The following CDH13 variants were observed in gnomAD, a reference collection of about 807,000 sequenced individuals.
The protein encoded by CDH13 is cadherin-13.
Under a neutral mutation model 63.8 loss-of-function variants are expected in CDH13, and 24 were observed. The observed-to-expected ratio is 0.38, with a 90% CI of 0.27 to 0.53. CDH13 has a LOEUF of 0.53. Among genes scored for constraint, CDH13 ranks in the 20% least tolerant of loss-of-function variants. CDH13 has a pLI of 0.85. For missense variants in CDH13, 1,049 were observed against 903.1 expected, an observed-to-expected ratio of 1.16 and a Z score of -2.07; for synonymous variants, 503 against 355.3, an observed-to-expected ratio of 1.42 and a Z score of -4.67.
intron 10 of CDH13, among the ~76,000 whole-genome samples, chr16:83,679,860 C>T (rs77565913): frequency 7.2e-5 from 11 of 152,212 alleles, no homozygotes; most frequent in Non-Finnish European, 1.5e-4. Context: ...TGTTTTGGAC[C>T]CTGTGTCTCT....
At chr16:83,662,796 G>C (rs1913561399) in intron 8 of CDH13, among the ~76,000 whole-genome samples, 1 of 152,156 alleles carries the variant, frequency 6.6e-6, no homozygotes, top group African/African-American at 2.4e-5. Flanking sequence ...TTATTGCAAG[G>C]AATAGAAACC....
intron 7 of CDH13, among the ~76,000 whole-genome samples, chr16:83,601,069 A>G (rs973517278): frequency 6.6e-6 from 1 of 152,162 alleles, no homozygotes; most frequent in Non-Finnish European, 1.5e-5. Context: ...ACTTAACATT[A>G]TATCACTGGA....
intron 2 of CDH13, among the ~76,000 whole-genome samples, chr16:82,946,186 AGATG>A (rs564648455): frequency 6.3e-4 from 95 of 151,456 alleles, no homozygotes; most frequent in African/African-American, 2.2e-3. Flanking sequence ...ATTAATGACT[AGATG>A]GATGGATGGA....
chr16:83,032,068 C>T lies in CDH13; in HGVS notation c.216C>T (p.Tyr72=), dbSNP rs755317016. Residue 72 remains tyrosine (Y), a synonymous_variant, in exon 3 of 14, where the codon TAC becomes TAT. Transcript: ENST00000567109. The part of the protein sequence containing the change: ...DKLRYEVSSP[Y]FKVNSDGGLV... ...TACGCTATGAGGTCTCGAGCCCATA[C>T]TTCAAGGTGAACAGCGATGGCGGCT... 6.2e-6 allele frequency: 10 copies of T among 1,611,404 alleles called. No individual in the cohort carries two copies. The highest frequency in any genetic ancestry group is 4.5e-5 in the East Asian group (2 of 44,684).
chr16:82,848,500 C>CT (rs1224464726), intron 1 of CDH13, among the ~76,000 whole-genome samples: 1 of 151,262 alleles, frequency 6.6e-6, no homozygotes, highest in Non-Finnish European at 1.5e-5. Flanking sequence ...GGTTTCTTTC[C>CT]TTTTTTTAAA....
chr16:83,196,053 C>A (rs1043012648), intron 4 of CDH13, among the ~76,000 whole-genome samples: 1 of 152,064 alleles, frequency 6.6e-6, no homozygotes, highest in Non-Finnish European at 1.5e-5. Context: ...GTCACAAGTT[C>A]GCAATCAGCC....
intron 3 of CDH13, among the ~76,000 whole-genome samples, chr16:83,038,490 A>G (rs1917058232): frequency 6.6e-6 from 1 of 152,176 alleles, no homozygotes; most frequent in Non-Finnish European, 1.5e-5. Context: ...TAGTGAGGTT[A>G]ACCTTCCGTG....
intron 13 of CDH13, among the ~76,000 whole-genome samples, chr16:83,785,998 G>C (rs1392601562): frequency 6.6e-6 from 1 of 152,132 alleles, no homozygotes; most frequent in Non-Finnish European, 1.5e-5. Context: ...GGAGAGTAAA[G>C]TTAAGAATAC....
intron 1 of CDH13, among the ~76,000 whole-genome samples, chr16:82,816,744 G>C (rs1283480295): frequency 1.4e-5 from 2 of 146,080 alleles, no homozygotes; most frequent in African/African-American, 5.1e-5. Flanking sequence ...CATTTGGAAG[G>C]GTTTAGATGT....
At position 82,915,628 on chromosome 16, in the gene CDH13, G is replaced by A. The variant is rs987281290; in HGVS notation, c.157+57155G>A. Among the ~76,000 whole-genome samples the A allele has an allele frequency of 2.0e-5, 3 of 152,024 alleles. No homozygotes were observed. The East Asian group carries it at 5.8e-4, about 29-fold the overall frequency. ...CTAAAATATCCTCCCAAACTGGATG[G>A]CATGTCCCAAGGGCTGTGGTCTTAT... On this transcript the variant is annotated intron_variant, in intron 2 of 13. Transcript: ENST00000567109.
intron 3 of CDH13, among the ~76,000 whole-genome samples, chr16:83,115,122 C>G (rs761478771): frequency 4.6e-5 from 7 of 152,110 alleles, no homozygotes; most frequent in Non-Finnish European, 8.8e-5. Flanking sequence ...CACAGACCTC[C>G]TTGAAAAGGT....
At chr16:83,303,479 A>G (rs1368775879) in intron 5 of CDH13, among the ~76,000 whole-genome samples, 1 of 152,138 alleles carries the variant, frequency 6.6e-6, no homozygotes, top group Non-Finnish European at 1.5e-5. Flanking sequence ...TCTCTTTGGG[A>G]ATTGAACAGG....
At chr16:83,636,067 T>C (rs1911236589) in intron 8 of CDH13, among the ~76,000 whole-genome samples, 1 of 150,936 alleles carries the variant, frequency 6.6e-6, no homozygotes, top group Non-Finnish European at 1.5e-5. Context: ...TAGCTATCCT[T>C]CTTCCATTGA....
chr16:83,317,715 G>T (rs886677027), intron 5 of CDH13, among the ~76,000 whole-genome samples: 1 of 151,740 alleles, frequency 6.6e-6, no homozygotes, highest in Non-Finnish European at 1.5e-5. Flanking sequence ...CAGGAGAATC[G>T]CTTGAACCCG....
intron 1 of CDH13, among the ~76,000 whole-genome samples, chr16:82,660,207 C>G (rs756609980): frequency 1.3e-5 from 2 of 152,072 alleles, no homozygotes; most frequent in African/African-American, 4.8e-5. Flanking sequence ...CAGGGAATCT[C>G]AACAAATTGA....
At chr16:82,806,098 C>T (rs898432085) in intron 1 of CDH13, among the ~76,000 whole-genome samples, 1 of 152,256 alleles carries the variant, frequency 6.6e-6, no homozygotes, top group East Asian at 1.9e-4. Flanking sequence ...TCCTTCCAAG[C>T]TCAAGGGTGA....
At chr16:83,362,059 A>G (rs1332465965) in intron 6 of CDH13, among the ~76,000 whole-genome samples, 1 of 152,184 alleles carries the variant, frequency 6.6e-6, no homozygotes, top group Non-Finnish European at 1.5e-5. Context: ...AGGAATCTCC[A>G]TCTATGAAAA....
At chr16:83,427,199 C>T (rs2071937177) in intron 6 of CDH13, among the ~76,000 whole-genome samples, 1 of 152,084 alleles carries the variant, frequency 6.6e-6, no homozygotes, top group African/African-American at 2.4e-5. Flanking sequence ...CAGGTGTGAG[C>T]CACCGCGCCC....
chr16:82,755,551 A>G (rs2034581749), intron 1 of CDH13, among the ~76,000 whole-genome samples: 1 of 152,200 alleles, frequency 6.6e-6, no homozygotes, highest in Admixed American at 6.5e-5. Context: ...TAAAACTTAC[A>G]TTGTAGCTTT....
Sources: allele counts gnomAD v4.1 joint callset (sites outside exome capture counted in the v4.1 genomes callset), GRCh38; gene constraint gnomAD v4.1.1; transcripts MANE v1.5; gene names NCBI Gene and HGNC (gene_info 2026-07-23, HGNC 2026-07-21).